UBE2D3: variants seen among roughly 807,000 people sequenced by gnomAD.
The protein encoded by UBE2D3 is ubiquitin conjugating enzyme E2 D3, also known as ubiquitin-conjugating enzyme E2 D3.
Under a neutral mutation model 22.8 loss-of-function variants are expected in UBE2D3, and 2 were observed. That is an observed-to-expected ratio of 0.09 (90% CI 0.04 to 0.28). The LOEUF (loss-of-function observed/expected upper bound fraction) is 0.28. Ranked by LOEUF, UBE2D3 falls within the 10% of genes least tolerant of loss-of-function variation. The pLI is 1.00. For synonymous variants in UBE2D3, 56 were observed against 60.4 expected (o/e 0.93, Z 0.34); for missense variants, 27 against 182.5 (o/e 0.15, Z 4.91).
intron 1 of UBE2D3, chr4:102,826,904 G>C (rs1281941773): frequency 2.8e-5 from 29 of 1,041,982 alleles, no homozygotes; most frequent in Non-Finnish European, 3.4e-5. Context: ...GGTGGGTGCG[G>C]GGCAGGGTCC....
intron 2 of UBE2D3, chr4:102,812,927 T>G (rs914002461): frequency 6.6e-6 from 1 of 152,202 alleles, no homozygotes; most frequent in Non-Finnish European, 1.5e-5. Flanking sequence ...GTTATTAATT[T>G]AAACCTTATT....
intron 1 of UBE2D3, among the ~76,000 whole-genome samples, chr4:102,854,311 G>T (rs1049286348): frequency 1.3e-5 from 2 of 151,870 alleles, no homozygotes; most frequent in African/African-American, 4.8e-5. Flanking sequence ...CTTACATGAA[G>T]TATTCTATAA....
chr4:102,827,304 C>G (rs1390960853), intron 1 of UBE2D3, 123 bp downstream of exon 1: 2 of 959,446 alleles, frequency 2.1e-6, no homozygotes, highest in Non-Finnish European at 2.5e-6. Context: ...CCTTCCCACC[C>G]TAACCCACCG....
intron 7 of UBE2D3, chr4:102,799,046 A>C (rs1725704341): frequency 2.0e-6 from 3 of 1,473,602 alleles, no homozygotes; most frequent in Non-Finnish European, 2.8e-6. Flanking sequence ...TTGAACATAA[A>C]TATAATTCAA....
At chr4:102,861,512 G>T (rs1197093786) in intron 1 of UBE2D3, among the ~76,000 whole-genome samples, 2 of 151,940 alleles carry the variant, frequency 1.3e-5, no homozygotes, top group African/African-American at 4.8e-5. Flanking sequence ...CATTTATTCT[G>T]TGCACAACTA....
At chr4:102,845,618 C>T (rs1732004575) in intron 1 of UBE2D3, among the ~76,000 whole-genome samples, 1 of 152,102 alleles carries the variant, frequency 6.6e-6, no homozygotes, top group Admixed American at 6.6e-5. Flanking sequence ...AAGAATTTTT[C>T]CACCTATATA....
intron 2 of UBE2D3, among the ~76,000 whole-genome samples, chr4:102,816,762 T>C (rs1424594159): frequency 6.6e-6 from 1 of 152,196 alleles, no homozygotes; most frequent in Admixed American, 6.5e-5. Flanking sequence ...TAAATCCATT[T>C]CTAAAATGAA....
intron 1 of UBE2D3, among the ~76,000 whole-genome samples, chr4:102,846,967 G>A (rs556330894): frequency 6.6e-6 from 1 of 152,112 alleles, no homozygotes; most frequent in South Asian, 2.1e-4. Flanking sequence ...TCTGAGGAGA[G>A]CATGTATCAG....
At chr4:102,798,279 A>AATATATATATATATAT (rs10526258) in intron 7 of UBE2D3, among the ~76,000 whole-genome samples, 1,163 of 111,828 alleles carry the variant, frequency 0.01, 65 homozygotes, top group African/African-American at 0.012. Flanking sequence ...TTAAGAAATG[A>AATATATATATATATAT]ATATATATAT....
chr4:102,836,025 T>C (rs1265443006), intron 1 of UBE2D3, among the ~76,000 whole-genome samples: 1 of 152,320 alleles, frequency 6.6e-6, no homozygotes, highest in Non-Finnish European at 1.5e-5. Flanking sequence ...TTTTGAGACT[T>C]ACCTATATTG....
At chr4:102,800,254 A>G (rs1725943054) in intron 6 of UBE2D3, among the ~76,000 whole-genome samples, 1 of 151,128 alleles carries the variant, frequency 6.6e-6, no homozygotes, top group Non-Finnish European at 1.5e-5. Flanking sequence ...AATAGTATAA[A>G]AAAGACAACA....
intron 2 of UBE2D3, among the ~76,000 whole-genome samples, chr4:102,819,995 C>T (rs1474561132): frequency 2.6e-5 from 4 of 152,124 alleles, no homozygotes; most frequent in Non-Finnish European, 5.9e-5. Context: ...CTATACTGAG[C>T]AACACAAAAC....
intron 2 of UBE2D3, among the ~76,000 whole-genome samples, chr4:102,814,407 GCCT>G (rs2110296125): frequency 6.7e-6 from 1 of 150,118 alleles, no homozygotes; most frequent in South Asian, 2.1e-4. Flanking sequence ...TCCTGCCTCA[GCCT>G]CCTGAGTAGC....
chr4:102,845,100 T>C (rs1731979705), intron 1 of UBE2D3, among the ~76,000 whole-genome samples: 1 of 148,432 alleles, frequency 6.7e-6, no homozygotes, highest in East Asian at 2.0e-4. Flanking sequence ...ACACAGAAAC[T>C]AGCTGGGAGT....
upstream of UBE2D3, among the ~76,000 whole-genome samples, chr4:102,829,887 C>A (rs1182812093): frequency 1.3e-5 from 2 of 151,638 alleles, no homozygotes; most frequent in African/African-American, 4.8e-5. Flanking sequence ...TGCGGTGGGC[C>A]AAGATCACTG....
intron 1 of UBE2D3, 102 bp downstream of exon 1, chr4:102,827,325 G>A (rs947709856): frequency 6.2e-6 from 6 of 970,292 alleles, no homozygotes; most frequent in Non-Finnish European, 7.4e-6. Flanking sequence ...CACCCAATAG[G>A]CTGGCCGCTC....
intron 2 of UBE2D3, among the ~76,000 whole-genome samples, chr4:102,818,257 AAAG>A (rs1422325638): frequency 6.6e-6 from 1 of 152,210 alleles, no homozygotes; most frequent in Non-Finnish European, 1.5e-5. Flanking sequence ...CTAGCTATAA[AAAG>A]AACAAAAGGT....
intron 1 of UBE2D3, among the ~76,000 whole-genome samples, chr4:102,867,413 AAAT>A (rs1184724459): frequency 6.6e-6 from 1 of 152,210 alleles, no homozygotes; most frequent in Non-Finnish European, 1.5e-5. Context: ...GTAGAACTGT[AAAT>A]AATGAGGCAT....
At chr4:102,843,818 A>G (rs1055018923) in intron 1 of UBE2D3, 2 of 152,142 alleles carry the variant, frequency 1.3e-5, no homozygotes, top group East Asian at 1.9e-4. Context: ...GTGATGTTCT[A>G]TGGAATAACA....
Sources: gnomAD v4.1 joint callset for allele counts (sites outside exome capture counted in the v4.1 genomes callset) on GRCh38, gnomAD v4.1.1 for gene constraint, MANE v1.5 for transcripts, NCBI Gene and HGNC (gene_info 2026-07-23, HGNC 2026-07-21) for gene names.